TDRD15: variants seen among roughly 807,000 people sequenced by gnomAD.
TDRD15 encodes the protein tudor domain containing 15, also known as tudor domain-containing protein 15.
For synonymous variants in TDRD15, 503 were observed against 314.5 expected (o/e 1.60, Z -6.34); for missense variants, 1,416 against 904.7 (o/e 1.57, Z -7.25).
Position 21,143,054 on chromosome 2 carries a change from G to A in TDRD15, c.5587G>A (p.Glu1863Lys). 1 of 690,798 alleles carries A rather than the reference G, an allele frequency of 1.4e-6. No homozygotes were observed. Among genetic ancestry groups the A allele is most frequent in the South Asian group, 1.6e-5 (1 of 62,162 alleles). The allele number at this position is 690,798 out of a possible 1,614,324, so 42.8% of individuals were successfully genotyped here. The change falls in exon 4 of 4, where the codon GAA becomes AAA. Residue 1863 changes from glutamate (E) to lysine (K), a missense_variant. Physicochemically the swap from Glu to Lys is moderately conservative, Grantham distance 56. Coordinates refer to ENST00000405799, the MANE Select transcript of TDRD15 (RefSeq NM_001306137.2). ...ACCTGCTAAAGGAAAACATTGGAGTGAAGAAGCCAAAATCTTTTTTCGAGA... is the reference window on the plus strand; with the variant it reads ...ACCTGCTAAAGGAAAACATTGGAGTAAAGAAGCCAAAATCTTTTTTCGAGA... ...ILPAKGKHWS[E>K]EAKIFFRDFL...
In TDRD15 at chr2:21,137,598, A is replaced by G. The variant is rs906673667; in HGVS notation, c.131A>G (p.His44Arg). Residue 44 changes from histidine (H) to arginine (R), a missense_variant, in exon 4 of 4, where the codon CAT (histidine) becomes CGT (arginine). His to Arg is a conservative substitution (Grantham distance 29, BLOSUM62 0). Transcript: ENST00000405799. ...AGTAATGAATGTGAGTTTGACTACC[A>G]TGTATTGCAGAGAGAAATACAACAT... ...IKSNECEFDY[H>R]VLQREIQHTP... 5 of 715,722 alleles carry G rather than the reference A, an allele frequency of 7.0e-6. No homozygotes were observed. The highest frequency in any genetic ancestry group is 1.3e-5 in the Non-Finnish European group (5 of 384,190). The allele number at this position is 715,722 out of a possible 1,614,324, so 44.3% of individuals were successfully genotyped here.
intron 2 of TDRD15, among the ~76,000 whole-genome samples, chr2:21,129,798 C>A (rs372753941): frequency 3.9e-5 from 6 of 152,222 alleles, no homozygotes; most frequent in South Asian, 4.2e-4. Context: ...GATATGTTTT[C>A]TGTTCCTTAT....
rs1014142943 is a variant in TDRD15, at chr2:21,140,067, A to G, written c.2600A>G (p.His867Arg). 3 of 716,032 alleles carry G rather than the reference A, an allele frequency of 4.2e-6. No individual in the cohort carries two copies. Among genetic ancestry groups the G allele is most frequent in the Non-Finnish European group, 7.8e-6 (3 of 384,032 alleles). 44.4% of individuals were successfully genotyped at this position (716,032 alleles called of 1,614,324 possible). A position where few individuals can be genotyped will look rare whatever the true frequency, so the allele number is the denominator to read the frequency against. Residue 867 changes from histidine to arginine, a missense_variant, in exon 4 of 4, where the codon CAT becomes CGT. By Grantham distance (29) the His-to-Arg change is conservative. Transcript: ENST00000405799. ...CAAGCCTTCAGATGTTGTCTTAACC[A>G]TTTTATTGAGCCTGTTAGTTGTAAA... ...ESQAFRCCLN[H>R]FIEPVSCKLF... is the part of the protein sequence containing the mutation.
intron 2 of TDRD15, among the ~76,000 whole-genome samples, chr2:21,134,221 A>AG (rs1392954171): frequency 2.0e-5 from 3 of 151,948 alleles, no homozygotes; most frequent in African/African-American, 4.8e-5. Context: ...CTCAAACCTC[A>AG]GGGGAACTGT....
rs1438350050 is a variant in TDRD15, at chr2:21,142,545, C to T, written c.5078C>T (p.Thr1693Ile). The T allele has an allele frequency of 7.1e-6, 5 of 704,530 alleles. No homozygotes were observed. The highest frequency in any genetic ancestry group is 1.3e-5 in the Non-Finnish European group (5 of 380,482). The allele number at this position is 704,530 out of a possible 1,614,324, so 43.6% of individuals were successfully genotyped here. Residue 1693 changes from threonine to isoleucine, a missense_variant, in exon 4 of 4, where the codon ACA (threonine) becomes ATA (isoleucine). Physicochemically the swap from Thr to Ile is moderately conservative, Grantham distance 89. Coordinates refer to ENST00000405799, the MANE Select transcript of TDRD15 (RefSeq NM_001306137.2). ...LLLLEYLNLN[T>I]VPVEENKLRL... ...CTTTTGGAATACTTAAATTTGAATACAGTTCCTGTTGAAGAAAACAAACTT... is the reference window on the plus strand; with the variant it reads ...CTTTTGGAATACTTAAATTTGAATATAGTTCCTGTTGAAGAAAACAAACTT...
At chr2:21,133,990 CT>C (rs1373109340) in intron 2 of TDRD15, among the ~76,000 whole-genome samples, 7 of 152,036 alleles carry the variant, frequency 4.6e-5, no homozygotes, top group Non-Finnish European at 8.8e-5. Flanking sequence ...TCATTTGTCT[CT>C]TTAATTACTT....
At chr2:21,125,510 A>G (rs989871729) in intron 1 of TDRD15, among the ~76,000 whole-genome samples, 2 of 150,050 alleles carry the variant, frequency 1.3e-5, no homozygotes, top group Admixed American at 6.6e-5. Flanking sequence ...TGTGTGCGTG[A>G]GAGAGAGAGT....
In TDRD15 at chr2:21,143,920, A is replaced by G. The variant is rs1375415313; in HGVS notation, c.*648A>G. Among the ~76,000 whole-genome samples, 1 of 151,746 alleles carries G rather than the reference A, an allele frequency of 6.6e-6. No individual in the cohort carries two copies. The highest frequency in any genetic ancestry group is 1.5e-5 in the Non-Finnish European group (1 of 67,734). On this transcript the variant is annotated 3_prime_UTR_variant, in exon 4 of 4. Transcript: ENST00000405799. ...ATGTAGTGAAAGATTTTAACCACAC[A>G]TGCATGCACACACGCATGACGTTTC...
At chr2:21,128,597 C>T (rs1665647025) in intron 2 of TDRD15, among the ~76,000 whole-genome samples, 1 of 152,146 alleles carries the variant, frequency 6.6e-6, no homozygotes, top group African/African-American at 2.4e-5. Flanking sequence ...GCTGGGATTA[C>T]AGGCATGAGC....
Position 21,137,531 on chromosome 2 carries a change from T to G in TDRD15, c.64T>G (p.Cys22Gly). The G allele has an allele frequency of 1.4e-6, 1 of 706,252 alleles. No homozygotes were observed. 43.7% of individuals were successfully genotyped at this position (706,252 alleles called of 1,614,324 possible). Residue 22 changes from cysteine to glycine, a missense_variant, in exon 4 of 4, where the codon TGT becomes GGT. Physicochemically the swap from Cys to Gly is radical, Grantham distance 159. Transcript: ENST00000405799. The stretch of plus-strand genomic sequence containing the variant: ...GGATCTGACAATATCACATATTAAA[T>G]GTCTTCCCAAGGATATTCTGGTGAA... ...DVDLTISHIK[C>G]LPKDILVKFQ...
chr2:21,138,607 A>G lies in TDRD15; in HGVS notation c.1140A>G (p.Gly380=). ...GTATATTTAAACAGGCCTTATTAGG[A>G]CAAGTGGTATATGCACACATTGATT... ...QLSIFKQALL[G]QVVYAHIDWF... is the part of the protein sequence containing the mutation. The change falls in exon 4 of 4, where the codon GGA becomes GGG. Residue 380 remains glycine, a synonymous_variant. Transcript: ENST00000405799. 1 of 713,292 alleles carries G rather than the reference A, an allele frequency of 1.4e-6. No individual in the cohort carries two copies. Among genetic ancestry groups the G allele is most frequent in the Non-Finnish European group, 2.6e-6 (1 of 383,310 alleles). The allele number at this position is 713,292 out of a possible 1,614,324, so 44.2% of individuals were successfully genotyped here.
intron 3 of TDRD15, among the ~76,000 whole-genome samples, chr2:21,135,986 G>T (rs888360663): frequency 2.0e-5 from 3 of 151,896 alleles, no homozygotes; most frequent in African/African-American, 7.3e-5. Flanking sequence ...GATCTTCTGG[G>T]TACCTCTACT....
At chr2:21,126,701 C>T (rs570056817) in intron 1 of TDRD15, among the ~76,000 whole-genome samples, 1 of 152,212 alleles carries the variant, frequency 6.6e-6, no homozygotes, top group African/African-American at 2.4e-5. Context: ...TTGTATTGTT[C>T]CATTGTTTAT....
intron 1 of TDRD15, among the ~76,000 whole-genome samples, chr2:21,127,347 A>C (rs1225203594): frequency 2.6e-5 from 4 of 152,232 alleles, no homozygotes; most frequent in Admixed American, 6.5e-5. Flanking sequence ...CCTCTTTAGC[A>C]GTTTGAATTT....
intron 3 of TDRD15, among the ~76,000 whole-genome samples, chr2:21,136,442 G>A (rs897789354): frequency 6.6e-6 from 1 of 151,818 alleles, no homozygotes; most frequent in Non-Finnish European, 1.5e-5. Flanking sequence ...TTCACCTTTT[G>A]ACCTTTTTGA....
rs1665859515 is a variant in TDRD15, at chr2:21,138,597, C to A, written c.1130C>A (p.Ala377Asp). 3 of 713,058 alleles carry A rather than the reference C, an allele frequency of 4.2e-6. No homozygotes were observed. The highest frequency in any genetic ancestry group is 2.0e-5 in the Admixed American group (1 of 49,592). The allele number at this position is 713,058 out of a possible 1,614,324, so 44.2% of individuals were successfully genotyped here. ...RIFQLSIFKQ[A>D]LLGQVVYAHI... ...TTTCAACTGAGTATATTTAAACAGG[C>A]CTTATTAGGACAAGTGGTATATGCA... Residue 377 changes from alanine (A) to aspartate (D), a missense_variant, in exon 4 of 4, where the codon GCC (alanine) becomes GAC (aspartate). Ala to Asp is a moderately radical substitution (Grantham distance 126, BLOSUM62 -2). Transcript: ENST00000405799.
chr2:21,129,967 AG>A (rs1665685271), intron 2 of TDRD15, among the ~76,000 whole-genome samples: 2 of 152,188 alleles, frequency 1.3e-5, no homozygotes, highest in Admixed American at 1.3e-4. Context: ...TCACGTGGAC[AG>A]GGGGTGAGCA....
chr2:21,125,507 G>A lies in TDRD15; in HGVS notation c.-201+1461G>A, dbSNP rs1400062901. On this transcript the variant is annotated intron_variant, in intron 1 of 3. Transcript: ENST00000405799. Reference sequence around the variant, plus strand: ...TGAGTTGTTGCGTGTGTGTGTGTGCGTGAGAGAGAGAGTGAGTTAGTGTAG... The same window carrying A: ...TGAGTTGTTGCGTGTGTGTGTGTGCATGAGAGAGAGAGTGAGTTAGTGTAG... 7.9e-5 allele frequency among the ~76,000 whole-genome samples: 12 copies of A among 151,800 alleles called. No individual in the cohort carries two copies. In the East Asian group the frequency reaches 9.7e-4, roughly 12 times the overall value.
At chr2:21,129,089 A>G (rs975499771) in intron 2 of TDRD15, among the ~76,000 whole-genome samples, 3 of 152,132 alleles carry the variant, frequency 2.0e-5, no homozygotes, top group African/African-American at 7.2e-5. Context: ...GGTGCACGTT[A>G]CCATGCCCCA....
Sources: gnomAD v4.1 joint callset for allele counts (sites outside exome capture counted in the v4.1 genomes callset) on GRCh38, gnomAD v4.1.1 for gene constraint, MANE v1.5 for transcripts, NCBI Gene and HGNC (gene_info 2026-07-23, HGNC 2026-07-21) for gene names.